The following CDK14 variants were observed in gnomAD, a reference collection of about 807,000 sequenced individuals.
The protein encoded by CDK14 is cyclin-dependent kinase 14.
CDK14 carries 34 observed loss-of-function variants against 60.7 expected under a neutral mutation model. The ratio of observed to expected loss-of-function variants is 0.56; its 90% CI spans 0.43 to 0.75. The LOEUF is 0.75. CDK14 is among the 30% of genes least tolerant of loss of function. The pLI is 0.00. For synonymous variants in CDK14, 197 were observed against 203.7 expected, an observed-to-expected ratio of 0.97 and a Z score of 0.28; for missense variants, 482 against 564.1, an observed-to-expected ratio of 0.85 and a Z score of 1.47.
chr7:90,792,461 G>T (rs1274715714), intron 5 of CDK14, among the ~76,000 whole-genome samples: 1 of 152,126 alleles, frequency 6.6e-6, no homozygotes, highest in African/African-American at 2.4e-5. Flanking sequence ...ATCAATCATT[G>T]TATGACAGTC....
chr7:91,064,290 T>C (rs1797903018), intron 11 of CDK14, among the ~76,000 whole-genome samples: 1 of 152,220 alleles, frequency 6.6e-6, no homozygotes, highest in African/African-American at 2.4e-5. Flanking sequence ...TTCAAGTCTC[T>C]ACCATTTAAG....
intron 2 of CDK14, among the ~76,000 whole-genome samples, chr7:90,690,498 ATTAAC>A (rs2116584573): frequency 6.6e-6 from 1 of 152,306 alleles, no homozygotes; most frequent in Admixed American, 6.5e-5. Context: ...ATATTTTACT[ATTAAC>A]TTCTTTCACT....
At chr7:91,121,676 G>C (rs756170808) in intron 14 of CDK14, among the ~76,000 whole-genome samples, 12 of 152,168 alleles carry the variant, frequency 7.9e-5, no homozygotes, top group Non-Finnish European at 1.8e-4. Flanking sequence ...AAATACCTAA[G>C]TTAAAAATGG....
At chr7:90,661,286 A>C (rs1476614586) in intron 2 of CDK14, among the ~76,000 whole-genome samples, 1 of 152,248 alleles carries the variant, frequency 6.6e-6, no homozygotes, top group African/African-American at 2.4e-5. Flanking sequence ...CTTCATTTCT[A>C]TTTTAGAAGT....
At chr7:90,650,983 A>T (rs1378089054) in intron 2 of CDK14, among the ~76,000 whole-genome samples, 5 of 152,234 alleles carry the variant, frequency 3.3e-5, no homozygotes, top group Admixed American at 2.0e-4. Flanking sequence ...GTTTTTTCCA[A>T]TTCTGTGAAG....
chr7:91,148,290 T>G (rs974946877), intron 14 of CDK14, among the ~76,000 whole-genome samples: 2 of 152,096 alleles, frequency 1.3e-5, no homozygotes, highest in Non-Finnish European at 2.9e-5. Flanking sequence ...GGGAAATCAC[T>G]TGGGCTGTGG....
chr7:90,745,698 G>A (rs577331314), intron 3 of CDK14, among the ~76,000 whole-genome samples: 1 of 152,286 alleles, frequency 6.6e-6, no homozygotes, highest in African/African-American at 2.4e-5. Context: ...ACAGGTGTGA[G>A]CCACCGTGCT....
intron 8 of CDK14, among the ~76,000 whole-genome samples, chr7:90,927,260 C>T (rs1793447212): frequency 6.6e-6 from 1 of 152,046 alleles, no homozygotes; most frequent in Non-Finnish European, 1.5e-5. Context: ...GCAACCAATC[C>T]CCATCCTGAA....
At chr7:90,700,672 C>T (rs1025665162) in intron 2 of CDK14, among the ~76,000 whole-genome samples, 1 of 152,130 alleles carries the variant, frequency 6.6e-6, no homozygotes, top group Non-Finnish European at 1.5e-5. Flanking sequence ...CATGCATCTC[C>T]AACCCCCAGC....
At chr7:90,963,361 G>A (rs1438877678) in intron 9 of CDK14, among the ~76,000 whole-genome samples, 2 of 151,824 alleles carry the variant, frequency 1.3e-5, no homozygotes, top group South Asian at 2.1e-4. Flanking sequence ...GCTGCAGTGA[G>A]CTATGATCAC....
intron 2 of CDK14, among the ~76,000 whole-genome samples, chr7:90,620,503 TGTCCCC>T (rs1004950636): frequency 5.3e-4 from 81 of 152,262 alleles, no homozygotes; most frequent in African/African-American, 1.8e-3. Context: ...TCTTCCAGCT[TGTCCCC>T]GTATCCCTAT....
At chr7:91,172,146 A>C (rs147425290) in intron 14 of CDK14, among the ~76,000 whole-genome samples, 166 of 152,338 alleles carry the variant, frequency 1.1e-3, no homozygotes, top group Non-Finnish European at 1.9e-3. Context: ...TCACTTACCC[A>C]GTAAGATCTG....
At chr7:91,157,481 TAAATG>T (rs1259875099) in intron 14 of CDK14, among the ~76,000 whole-genome samples, 4 of 152,350 alleles carry the variant, frequency 2.6e-5, no homozygotes, top group African/African-American at 9.6e-5. Context: ...TGCTGTGAGT[TAAATG>T]AGAGAGGACA....
chr7:90,963,121 G>GTT (rs1554392806), intron 9 of CDK14, among the ~76,000 whole-genome samples: 13 of 142,232 alleles, frequency 9.1e-5, no homozygotes, highest in Admixed American at 5.6e-4. Context: ...GTGTGTGTGT[G>GTT]TGTTTTAATT....
chr7:90,826,554 A>T (rs918007633), intron 5 of CDK14, among the ~76,000 whole-genome samples: 2 of 152,058 alleles, frequency 1.3e-5, no homozygotes, highest in Non-Finnish European at 2.9e-5. Flanking sequence ...TATCCCTGGC[A>T]CTGTTGGCCA....
chr7:91,193,536 A>G (rs951807226), intron 14 of CDK14, among the ~76,000 whole-genome samples: 1 of 152,180 alleles, frequency 6.6e-6, no homozygotes, highest in African/African-American at 2.4e-5. Context: ...ATATGCAATT[A>G]TAACATTTAG....
rs372118828 is a variant in CDK14, at chr7:90,747,640, T to C, written c.370-41T>C. ...ATCAGGGTATTTGTTGTTAATTAAT[T>C]TGATACAATCTGTTTTGTTTACCCT... On this transcript the variant is annotated intron_variant, in intron 3 of 14. Transcript: ENST00000380050. The C allele has an allele frequency of 5.3e-4, 606 of 1,153,464 alleles. 1 individual carries two copies. Among genetic ancestry groups the C allele is most frequent in the Non-Finnish European group, 7.1e-4 (560 of 792,442 alleles). The allele number at this position is 1,153,464 out of a possible 1,614,324, so 71.5% of individuals were successfully genotyped here.
intron 11 of CDK14, among the ~76,000 whole-genome samples, chr7:91,071,858 A>G (rs1248075857): frequency 6.6e-6 from 1 of 152,220 alleles, no homozygotes; most frequent in Admixed American, 6.5e-5. Flanking sequence ...CTTGGTCCCA[A>G]GAGGGATTCC....
intron 4 of CDK14, among the ~76,000 whole-genome samples, chr7:90,786,491 C>T (rs1449563222): frequency 6.6e-6 from 1 of 152,108 alleles, no homozygotes; most frequent in Non-Finnish European, 1.5e-5. Context: ...TAGGTTAAAT[C>T]CACAAGATAA....
Sources: allele counts gnomAD v4.1 joint callset (sites outside exome capture counted in the v4.1 genomes callset), GRCh38; gene constraint gnomAD v4.1.1; transcripts MANE v1.5; gene names NCBI Gene and HGNC (gene_info 2026-07-23, HGNC 2026-07-21).